DNAJC1: variants seen among roughly 807,000 people sequenced by gnomAD.
DNAJC1 encodes dnaJ homolog subfamily C member 1.
In DNAJC1, 58 loss-of-function variants were observed where a neutral mutation model predicts 76.6. The ratio of observed to expected loss-of-function variants is 0.76; its 90% CI spans 0.61 to 0.94. The LOEUF is 0.94. DNAJC1 is among the 40% of genes least tolerant of loss of function. DNAJC1 has a pLI of 0.00. For missense variants in DNAJC1, 689 were observed against 677.3 expected (o/e 1.02, Z -0.19); for synonymous variants, 258 against 267.9 (o/e 0.96, Z 0.36).
chr10:21,839,948 T>C (rs900136753), intron 8 of DNAJC1, among the ~76,000 whole-genome samples: 8 of 152,266 alleles, frequency 5.3e-5, no homozygotes, highest in African/African-American at 1.9e-4. Context: ...TGGTTCAACA[T>C]ACGCAAATCA....
At chr10:21,781,160 C>T (rs1303030177) in intron 9 of DNAJC1, among the ~76,000 whole-genome samples, 1 of 152,044 alleles carries the variant, frequency 6.6e-6, no homozygotes, top group African/African-American at 2.4e-5. Context: ...ACTTTAACAC[C>T]CCACTGTCAA....
chr10:21,949,364 A>G (rs1472959960), intron 1 of DNAJC1, among the ~76,000 whole-genome samples: 3 of 150,714 alleles, frequency 2.0e-5, no homozygotes, highest in Non-Finnish European at 2.9e-5. Context: ...CCATGCTTCA[A>G]TAAGTGATTG....
chr10:21,953,162 A>T (rs1374472752), intron 1 of DNAJC1, among the ~76,000 whole-genome samples: 1 of 152,078 alleles, frequency 6.6e-6, no homozygotes, highest in Non-Finnish European at 1.5e-5. Context: ...TAAAATTCCT[A>T]GTTTTTAATT....
chr10:21,880,937 T>C (rs2131720477), intron 8 of DNAJC1, among the ~76,000 whole-genome samples: 1 of 152,352 alleles, frequency 6.6e-6, no homozygotes, highest in East Asian at 1.9e-4. Context: ...TTCATTTACA[T>C]TGAAAATCTA....
intron 7 of DNAJC1, among the ~76,000 whole-genome samples, chr10:21,904,180 T>C (rs1040895424): frequency 5.9e-5 from 9 of 152,224 alleles, no homozygotes; most frequent in South Asian, 4.1e-4. Flanking sequence ...ACACAGAAAG[T>C]TGGGTGATTA....
intron 8 of DNAJC1, among the ~76,000 whole-genome samples, chr10:21,843,122 T>A (rs1023429110): frequency 1.4e-4 from 22 of 152,274 alleles, no homozygotes; most frequent in Admixed American, 9.8e-4. Flanking sequence ...TTATTTGGAA[T>A]TGAGGAAAAA....
At chr10:21,908,489 T>TGG (rs55980435) in intron 6 of DNAJC1, among the ~76,000 whole-genome samples, 74,213 of 136,634 alleles carry the variant, frequency 0.54, 20,993 homozygotes, top group East Asian at 0.79. Context: ...CCATTTTTCA[T>TGG]GGGGGGGGGG....
intron 8 of DNAJC1, among the ~76,000 whole-genome samples, chr10:21,861,761 T>G (rs1835918588): frequency 6.6e-6 from 1 of 152,046 alleles, no homozygotes; most frequent in South Asian, 2.1e-4. Flanking sequence ...GTCAGGAAGT[T>G]ACCCCGGATG....
intron 8 of DNAJC1, among the ~76,000 whole-genome samples, chr10:21,877,740 G>A (rs1836209068): frequency 6.6e-6 from 1 of 152,096 alleles, no homozygotes; most frequent in African/African-American, 2.4e-5. Context: ...ACAAACTTTT[G>A]GAAAACAATT....
intron 8 of DNAJC1, among the ~76,000 whole-genome samples, chr10:21,835,946 C>A (rs1024332608): frequency 6.6e-6 from 1 of 152,140 alleles, no homozygotes; most frequent in East Asian, 1.9e-4. Flanking sequence ...GCAAGGCAGG[C>A]CACCATTCAA....
chr10:21,848,390 C>T lies in DNAJC1; in HGVS notation c.978+33892G>A, dbSNP rs185207965. On this transcript the variant is annotated intron_variant, in intron 8 of 11. Coordinates refer to ENST00000376980, the MANE Select transcript of DNAJC1 (RefSeq NM_022365.4). ...TAGTTTGCAAATATTTTCCTCCATT[C>T]CATAGGCTGTCTCTTTGTTGCTTCC... Among the ~76,000 whole-genome samples the T allele has an allele frequency of 5.2e-4, 79 of 152,282 alleles. 1 individual carries two copies. The highest frequency in any genetic ancestry group is 3.4e-3 in the Middle Eastern group (1 of 294).
intron 7 of DNAJC1, among the ~76,000 whole-genome samples, chr10:21,885,997 G>T (rs1414186928): frequency 2.6e-5 from 4 of 152,000 alleles, no homozygotes; most frequent in Non-Finnish European, 4.4e-5. Context: ...GAGCTGAAAT[G>T]AAGGAGACAG....
At chr10:21,892,162 T>TA (rs1188200307) in intron 7 of DNAJC1, among the ~76,000 whole-genome samples, 2 of 151,548 alleles carry the variant, frequency 1.3e-5, no homozygotes, top group African/African-American at 4.9e-5. Context: ...GAAATATATT[T>TA]AAAAAAACAT....
intron 1 of DNAJC1, among the ~76,000 whole-genome samples, chr10:21,985,966 G>A (rs943944406): frequency 5.3e-5 from 8 of 151,942 alleles, no homozygotes; most frequent in South Asian, 2.1e-4. Context: ...GGTGGCTCAC[G>A]CCTGTAATCC....
chr10:21,864,121 T>G (rs541607365), intron 8 of DNAJC1, among the ~76,000 whole-genome samples: 5 of 152,110 alleles, frequency 3.3e-5, no homozygotes, highest in South Asian at 2.1e-4. Flanking sequence ...GTGGGAGGCT[T>G]ACTTAAGGCG....
At chr10:21,787,508 A>C (rs988316151) in intron 9 of DNAJC1, among the ~76,000 whole-genome samples, 2 of 152,192 alleles carry the variant, frequency 1.3e-5, no homozygotes, top group African/African-American at 4.8e-5. Flanking sequence ...CCTTCCACAA[A>C]GACAGCCAAA....
intron 3 of DNAJC1, among the ~76,000 whole-genome samples, chr10:21,928,186 A>C (rs1257972499): frequency 6.6e-6 from 1 of 152,204 alleles, no homozygotes; most frequent in Non-Finnish European, 1.5e-5. Context: ...ATGGGAAGGA[A>C]TGGACATTTA....
intron 10 of DNAJC1, among the ~76,000 whole-genome samples, chr10:21,763,912 C>T (rs1437917355): frequency 6.6e-6 from 1 of 152,094 alleles, no homozygotes; most frequent in Admixed American, 6.5e-5. Context: ...GCCCTATGTA[C>T]GTAACACATA....
At chr10:21,947,510 CTCTTATGATTTT>C (rs965136414) in intron 1 of DNAJC1, among the ~76,000 whole-genome samples, 14 of 152,110 alleles carry the variant, frequency 9.2e-5, no homozygotes, top group African/African-American at 3.4e-4. Flanking sequence ...AGTATATTTT[CTCTTATGATTTT>C]CTTAATAACA....
Sources: gnomAD v4.1 joint callset for allele counts (sites outside exome capture counted in the v4.1 genomes callset) on GRCh38, gnomAD v4.1.1 for gene constraint, MANE v1.5 for transcripts, NCBI Gene and HGNC (gene_info 2026-07-23, HGNC 2026-07-21) for gene names.